The following DMXL1 variants were observed in gnomAD, a reference collection of about 807,000 sequenced individuals.
DMXL1 encodes the protein Dmx like 1.
A neutral mutation model predicts 319.2 loss-of-function variants in DMXL1; 99 were observed. The observed-to-expected ratio is 0.31, with a 90% CI of 0.26 to 0.37. The LOEUF (loss-of-function observed/expected upper bound fraction) is 0.37. DMXL1 is among the 10% of genes least tolerant of loss of function. The probability of loss-of-function intolerance (pLI) is 1.00; values close to 1 mark genes in which losing one functional copy is unlikely to be tolerated. For synonymous variants in DMXL1, 1,385 were observed against 1,235.2 expected (o/e 1.12, Z -2.54); for missense variants, 3,745 against 3,595.6 (o/e 1.04, Z -1.06).
intron 19 of DMXL1, among the ~76,000 whole-genome samples, chr5:119,161,062 T>C (rs1308470109): frequency 6.6e-6 from 1 of 152,192 alleles, no homozygotes; most frequent in Non-Finnish European, 1.5e-5. Flanking sequence ...GTATTTGCTT[T>C]GGGGTCTGCT....
chr5:119,220,700 C>A, intron 36 of DMXL1, 107 bp downstream of exon 36: 1 of 1,389,756 alleles, frequency 7.2e-7, no homozygotes, highest in Non-Finnish European at 9.8e-7. Context: ...AGATTGTAAG[C>A]AGAGTAGAAG....
chr5:119,089,273 T>TAC (rs1754065109), intron 1 of DMXL1, among the ~76,000 whole-genome samples: 1 of 67,166 alleles, frequency 1.5e-5, no homozygotes, highest in African/African-American at 5.5e-5. Context: ...CATATATATA[T>TAC]ATACATATAT....
At chr5:119,225,409 T>G (rs1273448091) in intron 38 of DMXL1, among the ~76,000 whole-genome samples, 3 of 152,072 alleles carry the variant, frequency 2.0e-5, no homozygotes, top group Admixed American at 2.0e-4. Context: ...TTCTGGTGGG[T>G]TGGAATCAAT....
intron 26 of DMXL1, among the ~76,000 whole-genome samples, chr5:119,176,552 C>G (rs1775835706): frequency 6.6e-6 from 1 of 151,880 alleles, no homozygotes; most frequent in Admixed American, 6.6e-5. Flanking sequence ...TGTTACTCTG[C>G]CATCTTGAAA....
At chr5:119,177,576 A>G in intron 27 of DMXL1, 92 bp downstream of exon 27, 1 of 1,085,062 alleles carries the variant, frequency 9.2e-7, no homozygotes. Context: ...CATGATAATC[A>G]TTGTTAAATA....
chr5:119,086,432 T>C (rs2149715463), intron 1 of DMXL1, among the ~76,000 whole-genome samples: 1 of 152,320 alleles, frequency 6.6e-6, no homozygotes, highest in East Asian at 1.9e-4. Flanking sequence ...TAATGTGTTG[T>C]TCAATTTGGT....
In DMXL1 at chr5:119,233,342, C is replaced by A. The variant is rs144161291; in HGVS notation, c.8341C>A (p.Leu2781Met). 14 of 1,611,306 alleles carry A rather than the reference C, an allele frequency of 8.7e-6. No individual in the cohort carries two copies. The highest frequency in any genetic ancestry group is 5.0e-5 in the Admixed American group (3 of 59,794). ...MTSHPTLPYY[L>M]TGAQDGSVRM... The stretch of plus-strand genomic sequence containing the variant: ...ATTTTTGCCCTCTTGTAATGCAGAT[C>A]TGACAGGAGCTCAAGATGGAAGTGT... The change falls in exon 39 of 44, where the codon CTG (leucine) becomes ATG (methionine). Residue 2781 changes from leucine (L) to methionine (M), a missense_variant and splice_region_variant. By Grantham distance (15) the Leu-to-Met change is conservative. This residue lies in a region of DMXL1 where 262 missense variants were observed against 320.5 expected (regional missense o/e 0.82). Coordinates refer to ENST00000539542, the MANE Select transcript of DMXL1 (RefSeq NM_001290321.3).
intron 37 of DMXL1, among the ~76,000 whole-genome samples, chr5:119,224,451 G>C (rs1785179787): frequency 6.6e-6 from 1 of 151,894 alleles, no homozygotes; most frequent in Non-Finnish European, 1.5e-5. Context: ...GAAAAGAATT[G>C]ACAAGAAAGG....
At chr5:119,229,066 C>T (rs1786155117) in intron 38 of DMXL1, among the ~76,000 whole-genome samples, 1 of 147,464 alleles carries the variant, frequency 6.8e-6, no homozygotes, top group African/African-American at 2.5e-5. Flanking sequence ...TGTAATCCCA[C>T]CTCTTAGGGA....
chr5:119,143,655 T>A (rs558903868), intron 13 of DMXL1, among the ~76,000 whole-genome samples, 186 bp from the exon 14 acceptor site: 131 of 152,114 alleles, frequency 8.6e-4, no homozygotes, highest in Non-Finnish European at 1.6e-3. Flanking sequence ...TGAGCTGTAA[T>A]GCTTTTTCAT....
chr5:119,230,440 A>T (rs1030501369), intron 38 of DMXL1, among the ~76,000 whole-genome samples: 2 of 152,234 alleles, frequency 1.3e-5, no homozygotes, highest in Non-Finnish European at 2.9e-5. Flanking sequence ...ATTAATTTTG[A>T]CAATACCATC....
intron 5 of DMXL1, among the ~76,000 whole-genome samples, chr5:119,113,216 A>G (rs1760058117): frequency 6.6e-6 from 1 of 152,154 alleles, no homozygotes; most frequent in Non-Finnish European, 1.5e-5. Context: ...TTTTGCATCT[A>G]TATGCAAAGA....
At chr5:119,225,014 A>G (rs1785280549) in intron 38 of DMXL1, among the ~76,000 whole-genome samples, 1 of 152,064 alleles carries the variant, frequency 6.6e-6, no homozygotes, top group Admixed American at 6.5e-5. Flanking sequence ...TTTGACTACC[A>G]ATCAAAATTT....
At chr5:119,243,259 C>G (rs1029060160) in intron 42 of DMXL1, among the ~76,000 whole-genome samples, 5 of 152,134 alleles carry the variant, frequency 3.3e-5, no homozygotes, top group African/African-American at 1.2e-4. Context: ...TCAAGTCTTA[C>G]AATAATAACT....
At chr5:119,202,812 T>C (rs1351914287) in intron 32 of DMXL1, among the ~76,000 whole-genome samples, 1 of 148,650 alleles carries the variant, frequency 6.7e-6, no homozygotes, top group Non-Finnish European at 1.5e-5. Context: ...GATCGCCCTG[T>C]TGCACTCCAG....
Position 119,177,360 on chromosome 5 carries a change from A to G in DMXL1, c.6762A>G (p.Ser2254=). The change falls in exon 27 of 44, where the codon TCA becomes TCG. Residue 2254 remains serine, a synonymous_variant. Transcript: ENST00000539542. ...QCLCGSHNYS[S]FQTNQFTGMV... Reference sequence around the variant, plus strand: ...AAATATTGTTTTTTTCTCTTAGTTCATTTCAGACGAATCAGTTTACTGGAA... The same window carrying G: ...AAATATTGTTTTTTTCTCTTAGTTCGTTTCAGACGAATCAGTTTACTGGAA... The G allele has an allele frequency of 6.5e-7, 1 of 1,540,776 alleles. No individual in the cohort carries two copies. Among genetic ancestry groups the G allele is most frequent in the Non-Finnish European group, 8.7e-7 (1 of 1,144,882 alleles).
Position 119,178,219 on chromosome 5 carries a change from A to G in DMXL1, c.7110A>G (p.Glu2370=). 6.2e-7 allele frequency: 1 copy of G among 1,613,616 alleles called. No homozygotes were observed. Among genetic ancestry groups the G allele is most frequent in the African/African-American group, 1.3e-5 (1 of 75,048 alleles). ...FGGGAHVPSK[E]QTHSKTLPVS... ...GAGGTGCACATGTTCCTAGCAAAGA[A>G]CAGACACATTCAAAAACTTTACCTG... The change falls in exon 28 of 44, where the codon GAA becomes GAG. Residue 2370 remains glutamate, a synonymous_variant. Transcript: ENST00000539542.
intron 19 of DMXL1, among the ~76,000 whole-genome samples, chr5:119,153,681 G>T (rs1770345402): frequency 6.6e-6 from 1 of 152,176 alleles, no homozygotes; most frequent in Admixed American, 6.5e-5. Context: ...ATTTGTCTAT[G>T]ACTGGCTTAT....
In DMXL1 at chr5:119,196,284, T is replaced by C. The variant is rs1004565435; in HGVS notation, c.7458-87T>C. On this transcript the variant is annotated intron_variant, in intron 30 of 43. Coordinates refer to ENST00000539542, the MANE Select transcript of DMXL1 (RefSeq NM_001290321.3). Reference sequence around the variant, plus strand: ...GGGGTATGTTCAGGTTGATTCCTGATAGTGGAATTTGTTGAGTCAAAGGGT... The same window carrying C: ...GGGGTATGTTCAGGTTGATTCCTGACAGTGGAATTTGTTGAGTCAAAGGGT... 4 of 975,992 alleles carry C rather than the reference T, an allele frequency of 4.1e-6. No homozygotes were observed. In the African/African-American group the frequency reaches 6.4e-5, roughly 16 times the overall value. The allele number at this position is 975,992 out of a possible 1,614,324, so 60.5% of individuals were successfully genotyped here.
Sources: gnomAD v4.1 joint callset for allele counts (sites outside exome capture counted in the v4.1 genomes callset) on GRCh38, gnomAD v4.1.1 for gene constraint, gnomAD v4.1.1 regional missense constraint, MANE v1.5 for transcripts, NCBI Gene and HGNC (gene_info 2026-07-23, HGNC 2026-07-21) for gene names.